The following ZNF677 variants were observed in gnomAD, a reference collection of about 807,000 sequenced individuals.
ZNF677 encodes the protein zinc finger protein 677.
A neutral mutation model predicts 8.1 loss-of-function variants in ZNF677; 5 were observed. That is an observed-to-expected ratio of 0.62 (90% CI 0.32 to 1.29). ZNF677 has a LOEUF of 1.29. Among genes scored for constraint, ZNF677 ranks in the 50% most tolerant of loss-of-function variants. The probability of loss-of-function intolerance (pLI) is 0.05; values close to 1 mark genes in which losing one functional copy is unlikely to be tolerated. For missense variants in ZNF677, 685 were observed against 685.9 expected, an observed-to-expected ratio of 1.00 and a Z score of 0.01; for synonymous variants, 221 against 225.6, an observed-to-expected ratio of 0.98 and a Z score of 0.18.
rs1292360042 is a variant in ZNF677, at chr19:53,237,627, C to A, written c.1100G>T (p.Arg367Ile). The A allele has an allele frequency of 7.4e-6, 12 of 1,613,524 alleles. No homozygotes were observed. The highest frequency in any genetic ancestry group is 1.0e-5 in the Non-Finnish European group (12 of 1,179,842). The change falls in exon 5 of 5, where the codon AGA (arginine) becomes ATA (isoleucine). Residue 367 changes from arginine to isoleucine, a missense_variant. Coordinates refer to ENST00000598513, the MANE Select transcript of ZNF677 (RefSeq NM_182609.4). ...IQRSHLWGHE[R>I]IHTGEKPYKC... ...GTAAGGTTTCTCTCCAGTATGAATT[C>A]TTTCATGACCCCAAAGGTGTGAACG...
rs181512157 is a variant in ZNF677 at position 53,241,590 on chromosome 19, A to G, written c.169+2154T>C. 1.3e-3 allele frequency: 493 copies of G among 365,282 alleles called. 1 individual carries two copies. Among genetic ancestry groups the G allele is most frequent in the Middle Eastern group, 4.3e-3 (6 of 1,410 alleles). The allele number at this position is 365,282 out of a possible 1,614,324, so 22.6% of individuals were successfully genotyped here. A position where few individuals can be genotyped will look rare whatever the true frequency, so the allele number is the denominator to read the frequency against. ...ACCTTGTACTGCTGGCTCCAAGAGG[A>G]TGATCAGCATATATCTAACCAGCGT... On this transcript the variant is annotated intron_variant, in intron 4 of 4. Transcript: ENST00000598513.
At position 53,253,144 on chromosome 19, in the gene ZNF677, C is replaced by A. The variant is rs2091261127; in HGVS notation, c.-114G>T. 1.3e-5 allele frequency: 2 copies of A among 152,168 alleles called. No individual in the cohort carries two copies. The highest frequency in any genetic ancestry group is 2.1e-4 in the South Asian group (1 of 4,836). The allele number at this position is 152,168 out of a possible 1,614,324, so 9.4% of individuals were successfully genotyped here. ...ATCTTCCTCGCATCCTCCCCGAGGTCATATTGTGTGGGCTGCAGTGGAAAA... is the reference window on the plus strand; with the variant it reads ...ATCTTCCTCGCATCCTCCCCGAGGTAATATTGTGTGGGCTGCAGTGGAAAA... On this transcript the variant is annotated 5_prime_UTR_variant, in exon 2 of 5. An upstream start codon of the reference 5' UTR is lost. Coordinates refer to ENST00000598513, the MANE Select transcript of ZNF677 (RefSeq NM_182609.4).
chr19:53,252,802 G>A (rs915551726), intron 2 of ZNF677, among the ~76,000 whole-genome samples: 4 of 152,094 alleles, frequency 2.6e-5, no homozygotes, highest in African/African-American at 9.7e-5. Flanking sequence ...GATGACATAA[G>A]GGAGTAAAGA....
chr19:53,241,306 ACATAC>A (rs761160394), intron 4 of ZNF677: 3 of 152,270 alleles, frequency 2.0e-5, no homozygotes, highest in African/African-American at 7.2e-5. Flanking sequence ...CTGATTAAAT[ACATAC>A]AAGTTCATTT....
chr19:53,246,743 A>G (rs1345462674), intron 3 of ZNF677, among the ~76,000 whole-genome samples: 1 of 152,194 alleles, frequency 6.6e-6, no homozygotes, highest in Non-Finnish European at 1.5e-5. Context: ...GGAAATGGTG[A>G]GGTAGTAATC....
At chr19:53,239,172 AT>A (rs1356291625) in intron 4 of ZNF677, 5 of 152,194 alleles carry the variant, frequency 3.3e-5, no homozygotes, top group Admixed American at 3.3e-4. Flanking sequence ...CTATTGCATA[AT>A]ATATACTGAA....
intron 2 of ZNF677, among the ~76,000 whole-genome samples, chr19:53,252,282 T>C (rs1052449707): frequency 6.6e-6 from 1 of 152,216 alleles, no homozygotes; most frequent in African/African-American, 2.4e-5. Flanking sequence ...TGCTCAATCC[T>C]GAAAATCATT....
chr19:53,245,796 G>A (rs1341908187), intron 3 of ZNF677, among the ~76,000 whole-genome samples: 1 of 150,252 alleles, frequency 6.7e-6, no homozygotes, highest in Non-Finnish European at 1.5e-5. Flanking sequence ...GGCAGATCAT[G>A]AGATCAGAAG....
chr19:53,254,077 A>G (rs2091277269), intron 1 of ZNF677, among the ~76,000 whole-genome samples: 1 of 152,208 alleles, frequency 6.6e-6, no homozygotes, highest in Non-Finnish European at 1.5e-5. Flanking sequence ...GTAGTTTTGC[A>G]ATTTTCATGC....
intron 2 of ZNF677, among the ~76,000 whole-genome samples, chr19:53,252,567 CTT>C (rs1359527634): frequency 6.6e-6 from 1 of 152,162 alleles, no homozygotes; most frequent in Non-Finnish European, 1.5e-5. Flanking sequence ...GGATTTAACT[CTT>C]TTCCAGAAAA....
chr19:53,248,791 T>A (rs2091187743), intron 3 of ZNF677, among the ~76,000 whole-genome samples: 1 of 152,200 alleles, frequency 6.6e-6, no homozygotes, highest in Non-Finnish European at 1.5e-5. Context: ...TATAAGTTTA[T>A]CACAATTAAA....
At chr19:53,249,447 G>A (rs2091199596) in intron 3 of ZNF677, 3 of 152,154 alleles carry the variant, frequency 2.0e-5, no homozygotes, top group Admixed American at 2.0e-4. Flanking sequence ...ATGCTCCAAT[G>A]AGAAAGTAAA....
intron 3 of ZNF677, among the ~76,000 whole-genome samples, chr19:53,244,533 A>G (rs574853051): frequency 6.6e-6 from 1 of 152,356 alleles, no homozygotes; most frequent in African/African-American, 2.4e-5. Flanking sequence ...ACATGAAATA[A>G]GCTTACCCAA....
chr19:53,246,947 T>C (rs1458108845), intron 3 of ZNF677, among the ~76,000 whole-genome samples: 1 of 152,206 alleles, frequency 6.6e-6, no homozygotes, highest in Non-Finnish European at 1.5e-5. Flanking sequence ...TGACAGATTG[T>C]AGTGGTGGTG....
chr19:53,239,276 C>T (rs1211567012), intron 4 of ZNF677: 1 of 152,104 alleles, frequency 6.6e-6, no homozygotes, highest in East Asian at 1.9e-4. Flanking sequence ...ACCACAATTA[C>T]ACAAAATTGT....
chr19:53,237,285 TGAG>T lies in ZNF677; in HGVS notation c.1439_1441del (p.Thr480_His481delinsAsn). ...ACATTTGTAAGGTTTCTCTCCAGTA[TGAG>T]TTCTCTGATGACCCCAAAGGTGTGA... On this transcript the variant is annotated inframe_deletion, in exon 5 of 5. Transcript: ENST00000598513. 1 of 1,613,760 alleles carries T rather than the reference TGAG, an allele frequency of 6.2e-7. No individual in the cohort carries two copies. Among genetic ancestry groups the T allele is most frequent in the Non-Finnish European group, 8.5e-7 (1 of 1,179,876 alleles).
chr19:53,238,177 C>T lies in ZNF677; in HGVS notation c.550G>A (p.Val184Met), dbSNP rs763493019. Residue 184 changes from valine (V) to methionine (M), a missense_variant, in exon 5 of 5, where the codon GTG becomes ATG. By Grantham distance (21) the Val-to-Met change is conservative. Coordinates refer to ENST00000598513, the MANE Select transcript of ZNF677 (RefSeq NM_182609.4). Reference sequence around the variant, plus strand: ...CCAATTTTATTTTCAAAACACTTCACGTATTTGTTTCCGGCATACCTTATG... The same window carrying T: ...CCAATTTTATTTTCAAAACACTTCATGTATTTGTTTCCGGCATACCTTATG... ...NNIRYAGNKYVKCFENKIGLS... is the reference protein window; with the variant it reads ...NNIRYAGNKYMKCFENKIGLS... 13 of 1,613,366 alleles carry T rather than the reference C, an allele frequency of 8.1e-6. No individual in the cohort carries two copies. The highest frequency in any genetic ancestry group is 1.6e-4 in the Middle Eastern group (1 of 6,078).
intron 4 of ZNF677, 137 bp downstream of exon 4, chr19:53,243,607 A>T: frequency 1.7e-6 from 2 of 1,153,668 alleles, no homozygotes; most frequent in Non-Finnish European, 2.5e-6. Context: ...TCTATATGCT[A>T]CATTATGAAG....
chr19:53,237,286 G>A lies in ZNF677; in HGVS notation c.1441C>T (p.His481Tyr). The A allele has an allele frequency of 2.5e-6, 4 of 1,613,660 alleles. No individual in the cohort carries two copies. The highest frequency in any genetic ancestry group is 3.4e-6 in the Non-Finnish European group (4 of 1,179,834). ...RSHLWGHQRT[H>Y]TGEKPYKCTE... ...CATTTGTAAGGTTTCTCTCCAGTAT[G>A]AGTTCTCTGATGACCCCAAAGGTGT... The change falls in exon 5 of 5, where the codon CAT becomes TAT. Residue 481 changes from histidine to tyrosine, a missense_variant. By Grantham distance (83) the His-to-Tyr change is moderately conservative (BLOSUM62 2). Transcript: ENST00000598513.
Sources: allele counts gnomAD v4.1 joint callset (sites outside exome capture counted in the v4.1 genomes callset), GRCh38; gene constraint gnomAD v4.1.1; transcripts MANE v1.5; gene names NCBI Gene and HGNC (gene_info 2026-07-23, HGNC 2026-07-21).